The following CEP43 variants were observed in gnomAD, a reference collection of about 807,000 sequenced individuals.
CEP43 encodes the protein FGFR1 oncogene partner.
Under a neutral mutation model 52.6 loss-of-function variants are expected in CEP43, and 36 were observed. The ratio of observed to expected loss-of-function variants is 0.68; its 90% CI spans 0.52 to 0.90. The LOEUF (loss-of-function observed/expected upper bound fraction) is 0.90, where lower values mean the gene tolerates loss of function less well. Ranked by LOEUF, CEP43 falls within the 40% of genes least tolerant of loss-of-function variation. The pLI is 0.00. For synonymous variants in CEP43, 192 were observed against 172.4 expected (o/e 1.11, Z -0.89); for missense variants, 506 against 472.8 (o/e 1.07, Z -0.65).
Position 167,026,628 on chromosome 6 carries a change from C to G in CEP43, c.988+13C>G. On this transcript the variant is annotated intron_variant, in intron 10 of 12. Transcript: ENST00000366847. Reference sequence around the variant, plus strand: ...TCACTTGGATTAGGTAATTAGATTTCTAGTTTTTGTGCTGATCGTTTTAAA... The same window carrying G: ...TCACTTGGATTAGGTAATTAGATTTGTAGTTTTTGTGCTGATCGTTTTAAA... 1 of 1,525,954 alleles carries G rather than the reference C, an allele frequency of 6.6e-7. No individual in the cohort carries two copies. The allele number at this position is 1,525,954 out of a possible 1,614,324, so 94.5% of individuals were successfully genotyped here. A position where few individuals can be genotyped will look rare whatever the true frequency, so the allele number is the denominator to read the frequency against.
chr6:167,022,527 G>C lies in CEP43; in HGVS notation c.698G>C (p.Arg233Thr). 1 of 1,614,012 alleles carries C rather than the reference G, an allele frequency of 6.2e-7. No individual in the cohort carries two copies. The highest frequency in any genetic ancestry group is 1.1e-5 in the South Asian group (1 of 91,078). The change falls in exon 8 of 13, where the codon AGA becomes ACA. Residue 233 changes from arginine (R) to threonine (T), a missense_variant. Coordinates refer to ENST00000366847, the MANE Select transcript of CEP43 (RefSeq NM_007045.4). ...ETKIGSFLSN[R>T]TLDGKDKAGL... ...AAAATTGGATCTTTTCTAAGCAACA[G>C]AACTTTAGATGGCAAAGACAAAGCT...
chr6:167,050,837 C>T lies in CEP43; in HGVS notation c.*10859C>T, dbSNP rs1339859637. 6.7e-6 allele frequency: 1 copy of T among 148,942 alleles called. No homozygotes were observed. The highest frequency in any genetic ancestry group is 1.5e-5 in the Non-Finnish European group (1 of 67,364). The allele number at this position is 148,942 out of a possible 1,614,324, so 9.2% of individuals were successfully genotyped here. On this transcript the variant is annotated 3_prime_UTR_variant, in exon 13 of 13. Coordinates refer to ENST00000366847, the MANE Select transcript of CEP43 (RefSeq NM_007045.4). ...AATGAGACATTGGATTTGTAAGTTT[C>T]TGACAGGTTCATTTTGCCTGCTGCC...
chr6:167,006,314 A>G (rs1418776937), intron 5 of CEP43, among the ~76,000 whole-genome samples: 1 of 152,202 alleles, frequency 6.6e-6, no homozygotes, highest in Non-Finnish European at 1.5e-5. Flanking sequence ...CAAGAGATGG[A>G]GACCATCCTG....
chr6:167,024,553 AAG>A (rs1183547516), intron 8 of CEP43, among the ~76,000 whole-genome samples: 9 of 152,164 alleles, frequency 5.9e-5, no homozygotes. Context: ...CAGAATTCTA[AAG>A]AGAGGTGAGC....
chr6:167,019,053 C>T lies in CEP43; in HGVS notation c.580-3356C>T, dbSNP rs184655966. Among the ~76,000 whole-genome samples, 318 of 152,326 alleles carry T rather than the reference C, an allele frequency of 2.1e-3. 2 individuals carry two copies. The highest frequency in any genetic ancestry group is 7.3e-3 in the African/African-American group (302 of 41,570). On this transcript the variant is annotated intron_variant, in intron 7 of 12. Coordinates refer to ENST00000366847, the MANE Select transcript of CEP43 (RefSeq NM_007045.4). The stretch of plus-strand genomic sequence containing the variant: ...GGGGCCAGGCAGTGACGTTGAGCCA[C>T]GGCTTCCAGTCAGCCACATGGTCAC...
At chr6:167,021,588 C>T (rs1276642180) in intron 7 of CEP43, among the ~76,000 whole-genome samples, 3 of 152,094 alleles carry the variant, frequency 2.0e-5, no homozygotes, top group Admixed American at 6.5e-5. Flanking sequence ...GAGTGAAAGT[C>T]GGCTGTGAAG....
Position 167,004,510 on chromosome 6 carries a change from T to C in CEP43, c.438+109T>C, listed in dbSNP as rs1779808531. The C allele has an allele frequency of 1.2e-5, 11 of 932,086 alleles. No individual in the cohort carries two copies. The East Asian group carries it at 3.3e-4, about 28-fold the overall frequency. The allele number at this position is 932,086 out of a possible 1,614,324, so 57.7% of individuals were successfully genotyped here. On this transcript the variant is annotated intron_variant, in intron 5 of 12. Coordinates refer to ENST00000366847, the MANE Select transcript of CEP43 (RefSeq NM_007045.4). ...ATTAAGGTTTTCATACTAGAAGATA[T>C]TCCTTAAAAACAAAATGAGATGCAT...
intron 10 of CEP43, 24 bp from the exon 11 acceptor site, chr6:167,032,574 TATAAC>T (rs763258111): frequency 7.1e-6 from 11 of 1,545,560 alleles, no homozygotes; most frequent in African/African-American, 2.7e-5. Flanking sequence ...GCACATTAGA[TATAAC>T]ATATCTTTTC....
At chr6:167,035,088 C>T (rs1780555508) in intron 12 of CEP43, among the ~76,000 whole-genome samples, 1 of 152,140 alleles carries the variant, frequency 6.6e-6, no homozygotes, top group African/African-American at 2.4e-5. Context: ...CATCCCTTTG[C>T]CATTGGGGGC....
At chr6:167,003,978 C>A in intron 4 of CEP43, 167 bp downstream of exon 4, 1 of 604,012 alleles carries the variant, frequency 1.7e-6, no homozygotes, top group Non-Finnish European at 2.9e-6. Flanking sequence ...TTTCAGATAG[C>A]TGGCACCAGT....
At chr6:166,999,983 T>C (rs963403703) in intron 1 of CEP43, 77 bp from the exon 2 acceptor site, 4 of 1,304,684 alleles carry the variant, frequency 3.1e-6, no homozygotes, top group Non-Finnish European at 3.3e-6. Context: ...TGCTCGTGTT[T>C]GTTGCTGGAT....
chr6:167,038,961 TTC>T (rs1414148131), intron 12 of CEP43, among the ~76,000 whole-genome samples: 1 of 152,098 alleles, frequency 6.6e-6, no homozygotes, highest in Non-Finnish European at 1.5e-5. Context: ...CTCTCATTCT[TTC>T]TCTGGAGTCC....
intron 11 of CEP43, among the ~76,000 whole-genome samples, chr6:167,033,258 G>A (rs564423885): frequency 1.2e-4 from 18 of 151,740 alleles, no homozygotes; most frequent in South Asian, 2.1e-4. Context: ...TTATAGGTGC[G>A]TGCCACTACG....
Position 167,024,586 on chromosome 6 carries a change from G to C in CEP43, c.807-196G>C, listed in dbSNP as rs955430428. Among the ~76,000 whole-genome samples, 3 of 152,182 alleles carry C rather than the reference G, an allele frequency of 2.0e-5. No homozygotes were observed. In the East Asian group the frequency reaches 5.8e-4, roughly 29 times the overall value. On this transcript the variant is annotated intron_variant, in intron 8 of 12. Coordinates refer to ENST00000366847, the MANE Select transcript of CEP43 (RefSeq NM_007045.4). ...TGAGCTGATTTCTTACGCCCTGGCT[G>C]TGCCGATTGTGGTTGATCTGTAGTT...
chr6:167,006,403 T>A (rs1160849527), intron 5 of CEP43, among the ~76,000 whole-genome samples: 1 of 152,054 alleles, frequency 6.6e-6, no homozygotes, highest in East Asian at 1.9e-4. Flanking sequence ...TAGTCCCAGC[T>A]ACTTGGGAGG....
chr6:167,033,334 C>T (rs1780515752), intron 11 of CEP43, among the ~76,000 whole-genome samples: 1 of 152,026 alleles, frequency 6.6e-6, no homozygotes, highest in African/African-American at 2.4e-5. Context: ...TGGTCTCGAA[C>T]TCCTGACCTC....
intron 1 of CEP43, chr6:166,999,754 A>G (rs574055134): frequency 0.012 from 6,338 of 513,710 alleles, 60 homozygotes; most frequent in Non-Finnish European, 0.018. Context: ...CCCCTGCCTC[A>G]TTCCGTGGGG....
chr6:167,007,622 T>C (rs1193087985), intron 5 of CEP43, among the ~76,000 whole-genome samples: 1 of 152,234 alleles, frequency 6.6e-6, no homozygotes, highest in Non-Finnish European at 1.5e-5. Context: ...AGAAAACCTG[T>C]TGTTTATAAT....
At chr6:167,036,556 A>G in intron 12 of CEP43, 4 of 985,460 alleles carry the variant, frequency 4.1e-6, no homozygotes, top group Non-Finnish European at 4.8e-6. Flanking sequence ...ATGCATAGCA[A>G]TCTAATTCAG....
Sources: allele counts gnomAD v4.1 joint callset (sites outside exome capture counted in the v4.1 genomes callset), GRCh38; gene constraint gnomAD v4.1.1; transcripts MANE v1.5; gene names NCBI Gene and HGNC (gene_info 2026-07-23, HGNC 2026-07-21).